Variants in REEP3 observed in about 807,000 individuals in gnomAD.
The protein encoded by REEP3 is receptor expression-enhancing protein 3.
Under a neutral mutation model 41.3 loss-of-function variants are expected in REEP3, and 20 were observed. The observed-to-expected ratio is 0.48, with a 90% CI of 0.34 to 0.70. The LOEUF is 0.70. Ranked by LOEUF, REEP3 falls within the 30% of genes least tolerant of loss-of-function variation. The pLI, the probability that REEP3 is intolerant of heterozygous loss-of-function variation, is 0.01. For synonymous variants in REEP3, 104 were observed against 101.8 expected (o/e 1.02, Z -0.13); for missense variants, 271 against 308.8 (o/e 0.88, Z 0.92).
intron 1 of REEP3, among the ~76,000 whole-genome samples, chr10:63,560,205 T>A (rs991374763): frequency 2.0e-5 from 3 of 152,142 alleles, no homozygotes; most frequent in African/African-American, 7.2e-5. Context: ...CATATTTTTG[T>A]TTTTCATAAT....
At chr10:63,577,863 A>C (rs1412085924) in intron 2 of REEP3, among the ~76,000 whole-genome samples, 1 of 152,102 alleles carries the variant, frequency 6.6e-6, no homozygotes, top group Non-Finnish European at 1.5e-5. Context: ...CTCCTAACTC[A>C]GTTACTACTC....
Position 63,521,447 on chromosome 10 carries a change from C to G in REEP3, c.-99C>G. 1.5e-6 allele frequency: 1 copy of G among 655,400 alleles called. No homozygotes were observed. The highest frequency in any genetic ancestry group is 5.7e-5 in the South Asian group (1 of 17,556). 40.6% of individuals were successfully genotyped at this position (655,400 alleles called of 1,614,324 possible). A position where few individuals can be genotyped will look rare whatever the true frequency, so the allele number is the denominator to read the frequency against. ...AGGGCGCCAGCGCGGCCCCGGGGAG[C>G]GCGAGGAGCCGGCGAAGCGCGCGGC... On this transcript the variant is annotated 5_prime_UTR_variant, in exon 1 of 8. Transcript: ENST00000373758.
At chr10:63,549,788 A>G (rs553408213) in intron 1 of REEP3, among the ~76,000 whole-genome samples, 8 of 152,314 alleles carry the variant, frequency 5.3e-5, no homozygotes, top group Non-Finnish European at 1.0e-4. Context: ...AAGGGGAGGA[A>G]GCTAGAATGA....
At chr10:63,576,692 A>AT (rs1268926439) in intron 2 of REEP3, among the ~76,000 whole-genome samples, 1 of 152,090 alleles carries the variant, frequency 6.6e-6, no homozygotes, top group African/African-American at 2.4e-5. Flanking sequence ...AACAGGAATT[A>AT]TTTTTTCACA....
intron 1 of REEP3, among the ~76,000 whole-genome samples, chr10:63,553,581 G>T (rs1370642128): frequency 6.6e-6 from 1 of 152,072 alleles, no homozygotes; most frequent in East Asian, 1.9e-4. Flanking sequence ...ATGTTCTATG[G>T]GAGGGCTTGG....
At chr10:63,591,433 C>T (rs766277195) in intron 2 of REEP3, among the ~76,000 whole-genome samples, 1 of 151,988 alleles carries the variant, frequency 6.6e-6, no homozygotes, top group Non-Finnish European at 1.5e-5. Context: ...GTTCAAGAGA[C>T]CAAATTGTCA....
intron 1 of REEP3, among the ~76,000 whole-genome samples, chr10:63,528,626 G>C (rs1955388967): frequency 6.6e-6 from 1 of 152,148 alleles, no homozygotes; most frequent in South Asian, 2.1e-4. Flanking sequence ...AGGAAAGCCA[G>C]GTCCTTATGA....
intron 2 of REEP3, among the ~76,000 whole-genome samples, chr10:63,587,584 T>C (rs1443315666): frequency 1.3e-5 from 2 of 152,212 alleles, no homozygotes; most frequent in Non-Finnish European, 2.9e-5. Flanking sequence ...ATAAAAGTCC[T>C]GGTTAGGTGC....
Position 63,566,398 on chromosome 10 carries a change from C to T in REEP3, c.93C>T (p.Asn31=), listed in dbSNP as rs533239025. 1.3e-5 allele frequency: 20 copies of T among 1,524,082 alleles called. No individual in the cohort carries two copies. Among genetic ancestry groups the T allele is most frequent in the East Asian group, 4.8e-5 (2 of 41,966 alleles). 94.4% of individuals were successfully genotyped at this position (1,524,082 alleles called of 1,614,324 possible). Residue 31 remains asparagine, a synonymous_variant, in exon 2 of 8, where the codon AAC becomes AAT. Transcript: ENST00000373758. ...YYSYKAVKTK[N]VKEYVRWMMY... is the part of the protein sequence containing the mutation. ...CATACAAAGCTGTGAAAACAAAAAA[C>T]GTGAAGGAATATGTAAGTATAGTTT...
In REEP3 at chr10:63,599,268, T is replaced by A; in HGVS notation, c.402T>A (p.Val134=). The A allele has an allele frequency of 1.5e-5, 22 of 1,479,762 alleles. No individual in the cohort carries two copies. Among genetic ancestry groups the A allele is most frequent in the Non-Finnish European group, 1.9e-5 (21 of 1,088,716 alleles). The allele number at this position is 1,479,762 out of a possible 1,614,324, so 91.7% of individuals were successfully genotyped here. ...QGLNLAATAA[V]TAAVKSQGAI... ...TAAACCTTGCAGCTACTGCTGCTGT[T>A]ACTGCAGCAGTAAAGGTAATTGTTC... The change falls in exon 5 of 8, where the codon GTT becomes GTA. Residue 134 remains valine, a synonymous_variant. Coordinates refer to ENST00000373758, the MANE Select transcript of REEP3 (RefSeq NM_001001330.3).
At chr10:63,572,432 G>A (rs925191864) in intron 2 of REEP3, among the ~76,000 whole-genome samples, 1 of 151,810 alleles carries the variant, frequency 6.6e-6, no homozygotes, top group Non-Finnish European at 1.5e-5. Context: ...TTTAAGCCCC[G>A]CATGCATTAG....
intron 1 of REEP3, among the ~76,000 whole-genome samples, chr10:63,552,443 A>T (rs1024788711): frequency 6.6e-6 from 1 of 152,190 alleles, no homozygotes; most frequent in South Asian, 2.1e-4. Context: ...ACATTGATGA[A>T]CTATTAATAC....
intron 1 of REEP3, among the ~76,000 whole-genome samples, chr10:63,530,486 A>G (rs1955410124): frequency 1.7e-5 from 2 of 116,532 alleles, no homozygotes; most frequent in Admixed American, 8.3e-5. Flanking sequence ...TTGACATTTT[A>G]AAAATATATG....
At chr10:63,619,558 T>C in intron 6 of REEP3, 97 bp from the exon 7 acceptor site, 1 of 1,061,288 alleles carries the variant, frequency 9.4e-7, no homozygotes, top group Non-Finnish European at 1.3e-6. Context: ...CTGGGGGAAA[T>C]GCAAACCATA....
chr10:63,529,621 C>A (rs1955400058), intron 1 of REEP3, among the ~76,000 whole-genome samples: 2 of 151,952 alleles, frequency 1.3e-5, no homozygotes, highest in Non-Finnish European at 2.9e-5. Flanking sequence ...CACTACCACA[C>A]CCAGCTAATT....
At chr10:63,526,584 A>AT in intron 1 of REEP3, among the ~76,000 whole-genome samples, 1 of 152,018 alleles carries the variant, frequency 6.6e-6, no homozygotes, top group Non-Finnish European at 1.5e-5. Flanking sequence ...GGAAGTTTTA[A>AT]TTTTTTAATA....
chr10:63,532,961 A>G (rs1955437848), intron 1 of REEP3, among the ~76,000 whole-genome samples: 1 of 152,208 alleles, frequency 6.6e-6, no homozygotes, highest in Non-Finnish European at 1.5e-5. Context: ...GAGTCATCAC[A>G]TGGGGAAGGG....
chr10:63,546,530 A>G (rs1344431304), intron 1 of REEP3, among the ~76,000 whole-genome samples: 1 of 152,254 alleles, frequency 6.6e-6, no homozygotes, highest in Non-Finnish European at 1.5e-5. Context: ...AGTCAAGACA[A>G]TCTTGAAGTA....
At chr10:63,589,858 G>A (rs1286076484) in intron 2 of REEP3, among the ~76,000 whole-genome samples, 1 of 120,162 alleles carries the variant, frequency 8.3e-6, no homozygotes, top group Non-Finnish European at 1.6e-5. Context: ...ATAGTGTCAT[G>A]ATCTCACCTC....
Sources: gnomAD v4.1 joint callset for allele counts (sites outside exome capture counted in the v4.1 genomes callset) on GRCh38, gnomAD v4.1.1 for gene constraint, MANE v1.5 for transcripts, NCBI Gene and HGNC (gene_info 2026-07-23, HGNC 2026-07-21) for gene names.